The following AMPD2 variants were observed in gnomAD, a reference collection of about 807,000 sequenced individuals.
AMPD2 encodes AMP deaminase 2.
AMPD2 carries 52 observed loss-of-function variants against 91.3 expected under a neutral mutation model. The observed-to-expected ratio is 0.57, with a 90% confidence interval of 0.46 to 0.72. AMPD2 has a LOEUF of 0.72. Among genes scored for constraint, AMPD2 ranks in the 30% least tolerant of loss-of-function variants. The pLI is 0.00. For synonymous variants in AMPD2, 455 were observed against 456.4 expected (o/e 1.00, Z 0.04); for missense variants, 822 against 1,122.3 (o/e 0.73, Z 3.82).
At chr1:109,627,352 C>T (rs771005221) in intron 8 of AMPD2, 36 bp downstream of exon 8, 9 of 1,612,036 alleles carry the variant, frequency 5.6e-6, no homozygotes, top group Non-Finnish European at 7.6e-6. Context: ...GGGGATGCAG[C>T]GTGGGAGGTT....
chr1:109,631,281 T>C lies in AMPD2; in HGVS notation c.*129T>C. ...TCTCTGTCTTGCATGTCTCCTACCATGTCACTGTCCCTGGGCCACCCAGTG... is the reference window on the plus strand; with the variant it reads ...TCTCTGTCTTGCATGTCTCCTACCACGTCACTGTCCCTGGGCCACCCAGTG... On this transcript the variant is annotated 3_prime_UTR_variant, in exon 19 of 19. Transcript: ENST00000528667. 2.1e-6 allele frequency: 2 copies of C among 971,232 alleles called. No homozygotes were observed. The highest frequency in any genetic ancestry group is 3.1e-6 in the Non-Finnish European group (2 of 637,568). 60.2% of individuals were successfully genotyped at this position (971,232 alleles called of 1,614,324 possible).
At chr1:109,623,063 C>A (rs1650388064) in intron 2 of AMPD2, among the ~76,000 whole-genome samples, 1 of 152,182 alleles carries the variant, frequency 6.6e-6, no homozygotes, top group Non-Finnish European at 1.5e-5. Context: ...TTGCCTTTGC[C>A]CTGCACTGGG....
Position 109,624,049 on chromosome 1 carries a change from G to A in AMPD2, c.92-1254G>A. On this transcript the variant is annotated intron_variant, in intron 2 of 18. Coordinates refer to ENST00000528667, the MANE Select transcript of AMPD2 (RefSeq NM_001368809.2). The surrounding 1 kb of genome is among the most constrained non-coding windows in gnomAD (Gnocchi z 5.2). ...GCTTCACTGGCAAACAGGCGGGCAA[G>A]GGGCACAGGGCTGCTGGCCGGAGCT... is the stretch of plus-strand genomic sequence containing the variant. The A allele has an allele frequency of 1.0e-6, 1 of 985,650 alleles. No homozygotes were observed. Among genetic ancestry groups the A allele is most frequent in the Non-Finnish European group, 1.2e-6 (1 of 830,096 alleles). The allele number at this position is 985,650 out of a possible 1,614,324, so 61.1% of individuals were successfully genotyped here.
intron 8 of AMPD2, 42 bp downstream of exon 8, chr1:109,627,358 A>G: frequency 6.2e-7 from 1 of 1,612,750 alleles, no homozygotes; most frequent in Non-Finnish European, 8.5e-7. Flanking sequence ...GCAGCGTGGG[A>G]GGTTGCGTTG....
In AMPD2 at chr1:109,620,935, T is replaced by C; in HGVS notation, c.-241T>C. 2.0e-6 allele frequency: 3 copies of C among 1,500,856 alleles called. No homozygotes were observed. The South Asian group carries it at 4.1e-5, about 21-fold the overall frequency. 93.0% of individuals were successfully genotyped at this position (1,500,856 alleles called of 1,614,324 possible). On this transcript the variant is annotated 5_prime_UTR_variant, in exon 2 of 19. Coordinates refer to ENST00000528667, the MANE Select transcript of AMPD2 (RefSeq NM_001368809.2). ...CCAGGCCCAGCCACCATCAGTCACG[T>C]CACTCCTGGGACTGAGGAGGCAGGG...
rs560231996 is a variant in AMPD2 at position 109,620,568 on chromosome 1, C to T, written c.-263+290C>T. ...GGAATTTTCCCGGGACAGGCCCCTC[C>T]CTCCTGGGCTGGGATTCTCGGTTCT... On this transcript the variant is annotated intron_variant, in intron 1 of 18. Coordinates refer to ENST00000528667, the MANE Select transcript of AMPD2 (RefSeq NM_001368809.2). 2.8e-4 allele frequency: 355 copies of T among 1,251,128 alleles called. No homozygotes were observed. In the African/African-American group the frequency reaches 5.2e-3, roughly 18 times the overall value. 77.5% of individuals were successfully genotyped at this position (1,251,128 alleles called of 1,614,324 possible).
At position 109,628,527 on chromosome 1, in the gene AMPD2, A is replaced by T. The variant is rs562459332; in HGVS notation, c.1407+32A>T. 15 of 1,612,362 alleles carry T rather than the reference A, an allele frequency of 9.3e-6. No individual in the cohort carries two copies. In the East Asian group the frequency reaches 1.8e-4, roughly 19 times the overall value. On this transcript the variant is annotated intron_variant, in intron 12 of 18. Coordinates refer to ENST00000528667, the MANE Select transcript of AMPD2 (RefSeq NM_001368809.2). The surrounding 1 kb of genome is among the most constrained non-coding windows in gnomAD (Gnocchi z 7.1). ...AGGCAGCCTTCCCTGCCAAGCCTCG[A>T]GCCTGAGGATCTGGGGGCTTTTAGG...
At position 109,625,843 on chromosome 1, in the gene AMPD2, T is replaced by C. The variant is rs745758795; in HGVS notation, c.353+51T>C. 166 of 1,606,028 alleles carry C rather than the reference T, an allele frequency of 1.0e-4. No homozygotes were observed. Among genetic ancestry groups the C allele is most frequent in the Non-Finnish European group, 1.3e-4 (148 of 1,174,728 alleles). ...TCTCCCTCCATACCCTTCCAGACCC[T>C]TTCAGAGCCCCTTTTCTGCCTCTTT... On this transcript the variant is annotated intron_variant, in intron 4 of 18. Transcript: ENST00000528667. The surrounding 1 kb of genome is among the most constrained non-coding windows in gnomAD (Gnocchi z 4.0).
Position 109,628,526 on chromosome 1 carries a change from G to T in AMPD2, c.1407+31G>T. The T allele has an allele frequency of 6.2e-7, 1 of 1,612,222 alleles. No individual in the cohort carries two copies. The highest frequency in any genetic ancestry group is 8.5e-7 in the Non-Finnish European group (1 of 1,179,856). On this transcript the variant is annotated intron_variant, in intron 12 of 18. Coordinates refer to ENST00000528667, the MANE Select transcript of AMPD2 (RefSeq NM_001368809.2). The surrounding 1 kb of genome is among the most constrained non-coding windows in gnomAD (Gnocchi z 7.1). ...GAGGCAGCCTTCCCTGCCAAGCCTC[G>T]AGCCTGAGGATCTGGGGGCTTTTAG...
At chr1:109,621,496 A>T (rs1465623275) in intron 2 of AMPD2, 6 of 638,812 alleles carry the variant, frequency 9.4e-6, no homozygotes, top group Non-Finnish European at 1.7e-5. Flanking sequence ...CTCTGTCACA[A>T]GGAGTGGGCA....
rs756686298 is a variant in AMPD2 at position 109,630,773 on chromosome 1, A to C, written c.2248A>C (p.Met750Leu). The C allele has an allele frequency of 3.7e-6, 6 of 1,610,452 alleles. No individual in the cohort carries two copies. The change falls in exon 18 of 19, where the codon ATG becomes CTG. Residue 750 changes from methionine to leucine, a missense_variant. By Grantham distance (15) the Met-to-Leu change is conservative. Coordinates refer to ENST00000528667, the MANE Select transcript of AMPD2 (RefSeq NM_001368809.2). ...MCELARNSVL[M>L]SGFSHKVKSH... ...TGAGCTGGCCCGCAACAGCGTGCTCATGAGCGGCTTCTCGCACAAGGTACT... is the reference window on the plus strand; with the variant it reads ...TGAGCTGGCCCGCAACAGCGTGCTCCTGAGCGGCTTCTCGCACAAGGTACT...
In AMPD2 at chr1:109,621,218, T is replaced by C. The variant is rs753703618; in HGVS notation, c.43T>C (p.Tyr15His). The C allele has an allele frequency of 6.2e-7, 1 of 1,611,856 alleles. No individual in the cohort carries two copies. The highest frequency in any genetic ancestry group is 8.5e-7 in the Non-Finnish European group (1 of 1,179,166). The change falls in exon 2 of 19, where the codon TAT (tyrosine) becomes CAT (histidine). Residue 15 changes from tyrosine (Y) to histidine (H), a missense_variant. Coordinates refer to ENST00000528667, the MANE Select transcript of AMPD2 (RefSeq NM_001368809.2). ...PSGSGKPKAK[Y>H]PFKKRASLQA... is the part of the protein sequence containing the mutation. ...TGGCTCTGGCAAGCCCAAGGCCAAA[T>C]ATCCCTTTAAGAAGCGGGCCAGCCT... is the stretch of plus-strand genomic sequence containing the variant.
At chr1:109,630,471 TG>T in intron 17 of AMPD2, 65 bp downstream of exon 17, 1 of 44,492 alleles carries the variant, frequency 2.2e-5, no homozygotes, top group South Asian at 1.7e-4. Flanking sequence ...CCGGGTTGGG[TG>T]GGGGGCGGTG....
rs992286155 is a variant in AMPD2 at position 109,624,207 on chromosome 1, G to A, written c.92-1096G>A. ...AGTCCTGGAGTATTGGGAAATGGGC[G>A]CAGAGACTTTAAGGCCGGCTACCTA... On this transcript the variant is annotated intron_variant, in intron 2 of 18. Coordinates refer to ENST00000528667, the MANE Select transcript of AMPD2 (RefSeq NM_001368809.2). The surrounding 1 kb of genome is among the most constrained non-coding windows in gnomAD (Gnocchi z 5.2). The A allele has an allele frequency of 1.5e-5, 7 of 458,940 alleles. No homozygotes were observed. The Admixed American group carries it at 1.9e-4, about 13-fold the overall frequency. The allele number at this position is 458,940 out of a possible 1,614,324, so 28.4% of individuals were successfully genotyped here. A position where few individuals can be genotyped will look rare whatever the true frequency, so the allele number is the denominator to read the frequency against.
At chr1:109,622,298 A>G in intron 2 of AMPD2, 1 of 456,268 alleles carries the variant, frequency 2.2e-6, no homozygotes, top group South Asian at 1.5e-5. Flanking sequence ...TGGTTCAGCA[A>G]TAGGGCAACT....
chr1:109,630,575 TGGG>T, intron 17 of AMPD2, 105 bp from the exon 18 acceptor site: 1 of 132,724 alleles, frequency 7.5e-6, no homozygotes, highest in Non-Finnish European at 1.0e-5. Context: ...GTTGGGGGGT[TGGG>T]GGGATGGGGG....
rs1557932326 is a variant in AMPD2 at position 109,626,694 on chromosome 1, T to C, written c.532-32T>C. The stretch of plus-strand genomic sequence containing the variant: ...GGGAGGAGGTCTCTGAGTCCAAGAC[T>C]GAGGAGAGTGATCGCATATCCTCAT... On this transcript the variant is annotated intron_variant, in intron 6 of 18. Transcript: ENST00000528667. 3 of 1,598,836 alleles carry C rather than the reference T, an allele frequency of 1.9e-6. No individual in the cohort carries two copies. In the South Asian group the frequency reaches 3.4e-5, roughly 18 times the overall value.
intron 2 of AMPD2, chr1:109,623,949 C>G (rs939080359): frequency 1.0e-6 from 1 of 966,462 alleles, no homozygotes; most frequent in East Asian, 1.1e-4. Context: ...TCCGTGCTCA[C>G]GGCCATCTCA....
chr1:109,627,442 G>A lies in AMPD2; in HGVS notation c.874G>A (p.Glu292Lys). The A allele has an allele frequency of 6.2e-7, 1 of 1,614,078 alleles. No individual in the cohort carries two copies. Among genetic ancestry groups the A allele is most frequent in the Non-Finnish European group, 8.5e-7 (1 of 1,179,980 alleles). The change falls in exon 9 of 19, where the codon GAG (glutamate) becomes AAG (lysine). Residue 292 changes from glutamate (E) to lysine (K), a missense_variant. Around this residue, in one of 5 missense-constraint regions of AMPD2, gnomAD observed 240 missense variants for 270.3 expected, o/e 0.89. Transcript: ENST00000528667. The stretch of plus-strand genomic sequence containing the variant: ...CCTCCATGCCAGTTGCTCAGAGGTG[G>A]AGCTGCCATACCCTGACCTGCAGGA... ...REPDEHCSEVELPYPDLQEFV... is the reference protein window; with the variant it reads ...REPDEHCSEVKLPYPDLQEFV...
Sources: gnomAD v4.1 joint callset for allele counts (sites outside exome capture counted in the v4.1 genomes callset) on GRCh38, gnomAD v4.1.1 for gene constraint, gnomAD v4.1.1 regional missense constraint, Gnocchi (gnomAD v3.1) non-coding constraint, MANE v1.5 for transcripts, NCBI Gene and HGNC (gene_info 2026-07-23, HGNC 2026-07-21) for gene names.